P3H2: variants seen among roughly 807,000 people sequenced by gnomAD.
The protein encoded by P3H2 is prolyl 3-hydroxylase 2, also known as leprecan-like 1.
Under a neutral mutation model 87.0 loss-of-function variants are expected in P3H2, and 80 were observed. That is an observed-to-expected ratio of 0.92 (90% CI 0.77 to 1.11). The LOEUF is 1.11. P3H2 is among the 50% of genes least tolerant of loss of function. The pLI is 0.00. For missense variants in P3H2, 1,001 were observed against 923.9 expected, an observed-to-expected ratio of 1.08 and a Z score of -1.08; for synonymous variants, 367 against 359.3, an observed-to-expected ratio of 1.02 and a Z score of -0.24.
intron 8 of P3H2, 78 bp from the exon 9 acceptor site, chr3:189,974,763 A>T: frequency 6.4e-7 from 1 of 1,566,470 alleles, no homozygotes; most frequent in Non-Finnish European, 8.8e-7. Context: ...ACAGCTTTCA[A>T]TGTGCAATTC....
chr3:190,118,236 GT>G (rs1712372482), intron 1 of P3H2, among the ~76,000 whole-genome samples: 1 of 151,878 alleles, frequency 6.6e-6, no homozygotes, highest in South Asian at 2.1e-4. Context: ...ATGGTTATTT[GT>G]TTTTATAGGA....
At chr3:190,109,727 T>C (rs962551161) in intron 1 of P3H2, among the ~76,000 whole-genome samples, 2 of 152,104 alleles carry the variant, frequency 1.3e-5, no homozygotes, top group Admixed American at 6.6e-5. Flanking sequence ...CTCTAAAAGA[T>C]ATCTAGCTGC....
At chr3:190,006,434 A>C (rs1014512602) in intron 1 of P3H2, among the ~76,000 whole-genome samples, 1 of 152,352 alleles carries the variant, frequency 6.6e-6, no homozygotes, top group East Asian at 1.9e-4. Flanking sequence ...GAGTTTGTGC[A>C]TGTCTTGTTT....
At chr3:190,056,548 C>T (rs1266546699) in intron 1 of P3H2, among the ~76,000 whole-genome samples, 1 of 152,154 alleles carries the variant, frequency 6.6e-6, no homozygotes, top group African/African-American at 2.4e-5. Context: ...TAGGTGGACT[C>T]TTTCTGAAAA....
intron 1 of P3H2, among the ~76,000 whole-genome samples, chr3:190,039,957 T>C (rs1725556303): frequency 6.6e-6 from 1 of 152,330 alleles, no homozygotes; most frequent in South Asian, 2.1e-4. Flanking sequence ...CCTAAAATGA[T>C]TCACTTTACA....
intron 1 of P3H2, among the ~76,000 whole-genome samples, chr3:190,081,137 A>C (rs1727029866): frequency 6.6e-6 from 1 of 152,220 alleles, no homozygotes; most frequent in African/African-American, 2.4e-5. Flanking sequence ...AAATTATCAA[A>C]TAAAATTATG....
In P3H2 at chr3:190,099,739, C is replaced by CT. The variant is rs991192211; in HGVS notation, c.480+20512dup. On this transcript the variant is annotated intron_variant, in intron 1 of 14. Coordinates refer to ENST00000319332, the MANE Select transcript of P3H2 (RefSeq NM_018192.4). ...TGGTATTAACAATATATATCTTGATCTTTTTTAGCATTATGGAAAATAAGG... is the reference window on the plus strand; with the variant it reads ...TGGTATTAACAATATATATCTTGATCTTTTTTTAGCATTATGGAAAATAAGG... 3.9e-5 allele frequency among the ~76,000 whole-genome samples: 6 copies of CT among 152,252 alleles called. No individual in the cohort carries two copies. The South Asian group carries it at 1.2e-3, about 32-fold the overall frequency.
intron 1 of P3H2, among the ~76,000 whole-genome samples, chr3:190,086,768 T>C (rs1727225569): frequency 6.6e-6 from 1 of 152,110 alleles, no homozygotes; most frequent in African/African-American, 2.4e-5. Flanking sequence ...TACCAAGAAG[T>C]CACACAAAGC....
intron 10 of P3H2, 172 bp from the exon 11 acceptor site, chr3:189,973,196 ACT>A: frequency 1.6e-6 from 1 of 612,578 alleles, no homozygotes; most frequent in Non-Finnish European, 2.8e-6. Context: ...ATTGGAATAA[ACT>A]CTTCCCAATA....
chr3:189,983,103 G>A lies in P3H2; in HGVS notation c.1267C>T (p.His423Tyr). The change falls in exon 8 of 15, where the codon CAT (histidine) becomes TAT (tyrosine). Residue 423 changes from histidine (H) to tyrosine (Y), a missense_variant. His to Tyr is a moderately conservative substitution (Grantham distance 83, BLOSUM62 2). Transcript: ENST00000319332. The part of the protein sequence containing the change: ...SGVNVEGAEV[H>Y]GFSMGKKLSP... ...AGCTTTTTTCCCATTGAGAATCCAT[G>A]AACTTCTGCTCCCTCTACGTTCACT... 7 of 1,613,860 alleles carry A rather than the reference G, an allele frequency of 4.3e-6. No homozygotes were observed. Among genetic ancestry groups the A allele is most frequent in the Non-Finnish European group, 5.9e-6 (7 of 1,179,876 alleles).
At position 189,960,730 on chromosome 3, in the gene P3H2, C is replaced by T. The variant is rs192044069; in HGVS notation, c.2035-2726G>A. On this transcript the variant is annotated intron_variant, in intron 14 of 14. Coordinates refer to ENST00000319332, the MANE Select transcript of P3H2 (RefSeq NM_018192.4). ...CCTACTAGTGTGCATTCCCCATAGG[C>T]GGTCTTTAACACAGTGCCTGCGCAC... Among the ~76,000 whole-genome samples the T allele has an allele frequency of 2.0e-3, 309 of 152,278 alleles. 3 individuals carry two copies. The highest frequency in any genetic ancestry group is 8.4e-4 in the Non-Finnish European group (57 of 68,034).
chr3:190,111,069 T>TC (rs1434959590), intron 1 of P3H2, among the ~76,000 whole-genome samples: 7 of 149,272 alleles, frequency 4.7e-5, no homozygotes, highest in Non-Finnish European at 7.5e-5. Context: ...TTCTTCTACT[T>TC]CCCTTCCAAA....
intron 1 of P3H2, among the ~76,000 whole-genome samples, chr3:190,032,251 T>G (rs1042469595): frequency 3.3e-5 from 5 of 152,214 alleles, no homozygotes; most frequent in African/African-American, 1.2e-4. Flanking sequence ...GAGAAATATT[T>G]TTTTTTCAAA....
chr3:190,069,725 AG>A lies in P3H2; in HGVS notation c.480+50526del, dbSNP rs1726632058. Among the ~76,000 whole-genome samples the A allele has an allele frequency of 2.6e-5, 4 of 152,220 alleles. No homozygotes were observed. The South Asian group carries it at 8.3e-4, about 31-fold the overall frequency. On this transcript the variant is annotated intron_variant, in intron 1 of 14. Coordinates refer to ENST00000319332, the MANE Select transcript of P3H2 (RefSeq NM_018192.4). ...GAGGGTGGGAAGAAATGTCTGGAGA[AG>A]AAAGGGTTTCAAGATGCAAGGTCAT...
chr3:189,999,192 A>T (rs1470606345), intron 1 of P3H2, among the ~76,000 whole-genome samples: 2 of 152,200 alleles, frequency 1.3e-5, no homozygotes, highest in East Asian at 3.8e-4. Flanking sequence ...AAAACAGTCA[A>T]TGTCAACAAA....
rs532212362 is a variant in P3H2, at chr3:190,004,461, C to T, written c.481-9019G>A. On this transcript the variant is annotated intron_variant, in intron 1 of 14. Coordinates refer to ENST00000319332, the MANE Select transcript of P3H2 (RefSeq NM_018192.4). ...GCAGTGGCGGGATCTCGGCTCACTG[C>T]AAGCTCCGCCTCCCGGGTTCACGCC... 6.3e-3 allele frequency among the ~76,000 whole-genome samples: 961 copies of T among 152,210 alleles called. 14 individuals carry two copies. The highest frequency in any genetic ancestry group is 0.022 in the African/African-American group (914 of 41,560).
At chr3:189,964,235 G>T in intron 13 of P3H2, 137 bp from the exon 14 acceptor site, 1 of 803,474 alleles carries the variant, frequency 1.2e-6, no homozygotes, top group East Asian at 2.6e-5. Context: ...TGAAGATGAT[G>T]TAAATTATCT....
chr3:190,096,270 G>T (rs775998956), intron 1 of P3H2, among the ~76,000 whole-genome samples: 3 of 152,194 alleles, frequency 2.0e-5, no homozygotes, highest in Non-Finnish European at 4.4e-5. Context: ...TGTTGAACTG[G>T]AGAAGGGGCT....
intron 1 of P3H2, among the ~76,000 whole-genome samples, chr3:190,119,332 ATAT>A (rs1324782702): frequency 6.6e-6 from 1 of 152,104 alleles, no homozygotes; most frequent in Non-Finnish European, 1.5e-5. Flanking sequence ...ATACATTGAT[ATAT>A]TAACACAGAA....
Sources: allele counts gnomAD v4.1 joint callset (sites outside exome capture counted in the v4.1 genomes callset), GRCh38; gene constraint gnomAD v4.1.1; transcripts MANE v1.5; gene names NCBI Gene and HGNC (gene_info 2026-07-23, HGNC 2026-07-21).